The following SLC12A7 variants were observed in gnomAD, a reference collection of about 807,000 sequenced individuals.
SLC12A7 encodes the protein solute carrier family 12 member 7.
In SLC12A7, 100 loss-of-function variants were observed where a neutral mutation model predicts 120.6. The observed-to-expected ratio is 0.83, with a 90% confidence interval of 0.71 to 0.98. The LOEUF (loss-of-function observed/expected upper bound fraction) is 0.98. Among genes scored for constraint, SLC12A7 ranks in the 50% least tolerant of loss-of-function variants. The pLI is 0.00. For synonymous variants in SLC12A7, 760 were observed against 678.0 expected, an observed-to-expected ratio of 1.12 and a Z score of -1.88; for missense variants, 1,373 against 1,548.1, an observed-to-expected ratio of 0.89 and a Z score of 1.90.
intron 1 of SLC12A7, among the ~76,000 whole-genome samples, chr5:1,111,057 G>C (rs1426174038): frequency 6.6e-6 from 1 of 152,198 alleles, no homozygotes; most frequent in East Asian, 1.9e-4. Context: ...CCGGGCACAT[G>C]CGGGCACTGC....
At chr5:1,090,735 C>A (rs575976899) in intron 3 of SLC12A7, among the ~76,000 whole-genome samples, 82 of 152,330 alleles carry the variant, frequency 5.4e-4, no homozygotes, top group African/African-American at 1.9e-3. Context: ...AGCCCCGTGA[C>A]AGGCGAGTCA....
Position 1,063,896 on chromosome 5 carries a change from T to C in SLC12A7, c.2687A>G (p.Gln896Arg). ...GATGCGCAAGTGGTACAAGAACATC[T>C]GCAGGTCCTTCTTCATCTGGATGCT... ...DNSIQMKKDL[Q>R]MFLYHLRISA... is the part of the protein sequence containing the mutation. Residue 896 changes from glutamine (Q) to arginine (R), a missense_variant, in exon 20 of 24, where the codon CAG becomes CGG. Transcript: ENST00000264930. 6.3e-7 allele frequency: 1 copy of C among 1,583,774 alleles called. No homozygotes were observed. Among genetic ancestry groups the C allele is most frequent in the Non-Finnish European group, 8.6e-7 (1 of 1,161,614 alleles).
chr5:1,061,552 C>A (rs1352719570), intron 20 of SLC12A7, among the ~76,000 whole-genome samples: 1 of 147,776 alleles, frequency 6.8e-6, no homozygotes, highest in African/African-American at 2.5e-5. Context: ...GGGACCCCTG[C>A]GTCTCACCCA....
chr5:1,060,884 G>A (rs1193589918), intron 20 of SLC12A7, among the ~76,000 whole-genome samples: 14 of 141,928 alleles, frequency 9.9e-5, no homozygotes, highest in African/African-American at 2.3e-4. Flanking sequence ...CAACCTCAGC[G>A]CCCGCCATGC....
At position 1,051,010 on chromosome 5, in the gene SLC12A7, T is replaced by C. The variant is rs956095746; in HGVS notation, c.*1350A>G. 3.8e-4 allele frequency: 151 copies of C among 398,450 alleles called. 1 individual carries two copies. Among genetic ancestry groups the C allele is most frequent in the Non-Finnish European group, 5.7e-4 (129 of 226,036 alleles). The allele number at this position is 398,450 out of a possible 1,614,324, so 24.7% of individuals were successfully genotyped here. A position where few individuals can be genotyped will look rare whatever the true frequency, so the allele number is the denominator to read the frequency against. On this transcript the variant is annotated 3_prime_UTR_variant, in exon 24 of 24. Transcript: ENST00000264930. ...CTAGTATATAGAAGCAACCTCTTTA[T>C]GGACAACCTTGTTACCACGTAACTC...
At chr5:1,076,886 T>C in intron 12 of SLC12A7, 74 bp from the exon 13 acceptor site, 1 of 1,026,608 alleles carries the variant, frequency 9.7e-7, no homozygotes, top group Non-Finnish European at 1.5e-6. Context: ...GCTGGTCAGG[T>C]CTAGCCCAGA....
chr5:1,089,952 C>T (rs907025811), intron 3 of SLC12A7, among the ~76,000 whole-genome samples: 1 of 152,258 alleles, frequency 6.6e-6, no homozygotes, highest in South Asian at 2.1e-4. Flanking sequence ...ACCTGGAGGA[C>T]GGCTGGTGCC....
At chr5:1,093,990 G>C (rs1740831677) in intron 2 of SLC12A7, among the ~76,000 whole-genome samples, 164 bp downstream of exon 2, 1 of 152,124 alleles carries the variant, frequency 6.6e-6, no homozygotes, top group Non-Finnish European at 1.5e-5. Context: ...TCAAGTGCGG[G>C]ACTGGGCCCC....
chr5:1,132,373 G>T, the SLC12A7 span, among the ~76,000 whole-genome samples: 2 of 152,142 alleles, frequency 1.3e-5, no homozygotes, highest in Non-Finnish European at 2.9e-5. Flanking sequence ...AGAAGTAACA[G>T]TAAGTGTCCT....
At chr5:1,114,521 C>T (rs1243193440), upstream of SLC12A7, among the ~76,000 whole-genome samples, 4 of 152,154 alleles carry the variant, frequency 2.6e-5, no homozygotes, top group East Asian at 5.8e-4. Flanking sequence ...TCCTCCCACA[C>T]GGCAGCCTGG....
the SLC12A7 span, among the ~76,000 whole-genome samples, chr5:1,138,691 A>C: frequency 1.3e-5 from 2 of 152,224 alleles, no homozygotes; most frequent in African/African-American, 4.8e-5. Context: ...GAATCAGGAC[A>C]TAGATGTAGC....
chr5:1,155,522 G>A, the SLC12A7 span, among the ~76,000 whole-genome samples: 5 of 151,974 alleles, frequency 3.3e-5, no homozygotes, highest in African/African-American at 4.8e-5. Flanking sequence ...CGGAGCGCGC[G>A]GCGGGCGGCA....
chr5:1,083,010 A>G (rs1439108192), intron 8 of SLC12A7, among the ~76,000 whole-genome samples: 547 of 65,776 alleles, frequency 8.3e-3, no homozygotes, highest in Middle Eastern at 0.036. Context: ...TTCCCATCTC[A>G]GGTTCTGGAA....
chr5:1,104,694 C>A (rs1340848890), intron 1 of SLC12A7, among the ~76,000 whole-genome samples: 12 of 152,184 alleles, frequency 7.9e-5, no homozygotes, highest in Non-Finnish European at 1.5e-5. Context: ...GTGTGGGGTG[C>A]GTGTGGGGTG....
intron 1 of SLC12A7, among the ~76,000 whole-genome samples, chr5:1,096,822 G>A (rs1337981326): frequency 1.5e-5 from 1 of 68,236 alleles, no homozygotes; most frequent in African/African-American, 4.8e-5. Flanking sequence ...GGAGGGAAGG[G>A]AGGGAAGGAA....
At position 1,057,643 on chromosome 5, in the gene SLC12A7, G is replaced by T; in HGVS notation, c.2854C>A (p.Leu952Met). 6.3e-7 allele frequency: 1 copy of T among 1,596,912 alleles called. No homozygotes were observed. The highest frequency in any genetic ancestry group is 2.2e-5 in the East Asian group (1 of 44,828). The change falls in exon 22 of 24, where the codon CTG becomes ATG. Residue 952 changes from leucine to methionine, a missense_variant. Coordinates refer to ENST00000264930, the MANE Select transcript of SLC12A7 (RefSeq NM_006598.3). ...SKNEQEREAQ[L>M]IHDRNTASHT... ...GACGCGGTGTTCCTGTCGTGGATCA[G>T]CTGGGCCTGGCGGGCCCGGGACTTG... is the stretch of plus-strand genomic sequence containing the variant.
chr5:1,153,778 G>A, the SLC12A7 span, among the ~76,000 whole-genome samples: 2 of 152,204 alleles, frequency 1.3e-5, no homozygotes, highest in African/African-American at 4.8e-5. Context: ...AAAATCAAGA[G>A]GAACGTGCAC....
intron 22 of SLC12A7, among the ~76,000 whole-genome samples, chr5:1,054,070 G>GC (rs1735341618): frequency 6.6e-6 from 1 of 152,228 alleles, no homozygotes; most frequent in Admixed American, 6.5e-5. Context: ...AAGCTCCCAG[G>GC]CCTGACAAGG....
At chr5:1,113,731 C>A (rs1204064337), upstream of SLC12A7, among the ~76,000 whole-genome samples, 1 of 152,176 alleles carries the variant, frequency 6.6e-6, no homozygotes, top group East Asian at 1.9e-4. Flanking sequence ...ATGAGGAGGG[C>A]TGGCTTTGCT....
Sources: gnomAD v4.1 joint callset for allele counts (sites outside exome capture counted in the v4.1 genomes callset) on GRCh38, gnomAD v4.1.1 for gene constraint, MANE v1.5 for transcripts, NCBI Gene and HGNC (gene_info 2026-07-23, HGNC 2026-07-21) for gene names.